The following PDE1A variants were observed in gnomAD, a reference collection of about 807,000 sequenced individuals.
PDE1A encodes the protein dual specificity calcium/calmodulin-dependent 3',5'-cyclic nucleotide phosphodiesterase 1A.
PDE1A carries 35 observed loss-of-function variants against 61.7 expected under a neutral mutation model. The ratio of observed to expected loss-of-function variants is 0.57; its 90% CI spans 0.43 to 0.75. PDE1A has a LOEUF of 0.75. Among genes scored for constraint, PDE1A ranks in the 30% least tolerant of loss-of-function variants. The pLI, the probability that PDE1A is intolerant of heterozygous loss-of-function variation, is 0.00. For missense variants in PDE1A, 597 were observed against 630.6 expected (o/e 0.95, Z 0.57); for synonymous variants, 232 against 213.2 (o/e 1.09, Z -0.77).
intron 1 of PDE1A, among the ~76,000 whole-genome samples, chr2:182,412,961 T>C (rs1172173095): frequency 6.6e-6 from 1 of 152,130 alleles, no homozygotes; most frequent in Non-Finnish European, 1.5e-5. Context: ...GAGCCCTTCA[T>C]AAAGACAGTG....
intron 1 of PDE1A, among the ~76,000 whole-genome samples, chr2:182,376,526 T>C: frequency 6.6e-6 from 1 of 152,200 alleles, no homozygotes; most frequent in East Asian, 1.9e-4. Context: ...AGCATTTTGG[T>C]TAAAGCCATT....
At chr2:182,386,337 G>A (rs1026651343) in intron 1 of PDE1A, among the ~76,000 whole-genome samples, 2 of 150,510 alleles carry the variant, frequency 1.3e-5, no homozygotes, top group Admixed American at 1.3e-4. Context: ...CCCTCTGCCC[G>A]GCTGCCCAGT....
At chr2:182,425,898 A>G (rs1345599462) in intron 1 of PDE1A, among the ~76,000 whole-genome samples, 1 of 152,230 alleles carries the variant, frequency 6.6e-6, no homozygotes, top group Non-Finnish European at 1.5e-5. Context: ...TTTAAATTCT[A>G]AAGTACATAA....
At chr2:182,208,514 T>C (rs147172236) in intron 7 of PDE1A, among the ~76,000 whole-genome samples, 9 of 152,236 alleles carry the variant, frequency 5.9e-5, no homozygotes, top group African/African-American at 2.2e-4. Flanking sequence ...TGAGATGAGA[T>C]TTGGTGGGGA....
the PDE1A span, among the ~76,000 whole-genome samples, chr2:182,588,110 C>T: frequency 3.9e-5 from 6 of 152,110 alleles, no homozygotes; most frequent in African/African-American, 1.4e-4. Flanking sequence ...AATTAAGTAA[C>T]CTTACTCAAA....
At chr2:182,467,566 TATCCTGATTCCA>T (rs929926960) in intron 2 of PDE1A, among the ~76,000 whole-genome samples, 4 of 151,934 alleles carry the variant, frequency 2.6e-5, no homozygotes, top group South Asian at 2.1e-4. Context: ...AAGCCAGAAT[TATCCTGATTCCA>T]AATCCAAACA....
In PDE1A at chr2:182,358,030, C is replaced by T. The variant is rs1418455059; in HGVS notation, c.53+68548G>A. Among the ~76,000 whole-genome samples, 3 of 152,164 alleles carry T rather than the reference C, an allele frequency of 2.0e-5. No homozygotes were observed. In the South Asian group the frequency reaches 6.2e-4, roughly 31 times the overall value. On this transcript the variant is annotated intron_variant, in intron 1 of 13. Transcript: ENST00000351439. The stretch of plus-strand genomic sequence containing the variant: ...GCAGTTCTTGCCTCTAAGTGGATGA[C>T]TATCTCTTGGTTGGCTCTCAACCAT...
At chr2:182,276,466 A>T (rs1446853786) in intron 1 of PDE1A, among the ~76,000 whole-genome samples, 5 of 152,106 alleles carry the variant, frequency 3.3e-5, no homozygotes, top group Non-Finnish European at 5.9e-5. Flanking sequence ...CAGTTCCCAA[A>T]TAATACTCAT....
At chr2:182,444,944 G>T (rs1263435715) in intron 2 of PDE1A, among the ~76,000 whole-genome samples, 1 of 152,052 alleles carries the variant, frequency 6.6e-6, no homozygotes, top group African/African-American at 2.4e-5. Flanking sequence ...ACAGTCCTGA[G>T]ATACACAAGT....
intron 6 of PDE1A, among the ~76,000 whole-genome samples, chr2:182,227,043 A>C (rs1403783687): frequency 6.6e-6 from 1 of 152,024 alleles, no homozygotes; most frequent in Non-Finnish European, 1.5e-5. Flanking sequence ...ATGGATCAAC[A>C]TGTCAAAGGT....
rs147160912 is a variant in PDE1A at position 182,258,886 on chromosome 2, T to C, written c.167+5415A>G. ...ACTGTTGCTTGGGTCTCTCTCTAAA[T>C]CTCTCTGTTTCTTGTTTGAGCATTT... On this transcript the variant is annotated intron_variant, in intron 2 of 13. Transcript: ENST00000351439. 4.3e-4 allele frequency among the ~76,000 whole-genome samples: 66 copies of C among 152,292 alleles called. No individual in the cohort carries two copies. The East Asian group carries it at 7.0e-3, about 16-fold the overall frequency.
chr2:182,448,641 G>A (rs1685298045), intron 2 of PDE1A, among the ~76,000 whole-genome samples: 1 of 152,056 alleles, frequency 6.6e-6, no homozygotes, highest in East Asian at 1.9e-4. Context: ...CACTGCTAAT[G>A]ACTGTGCATG....
Position 182,426,705 on chromosome 2 carries a change from G to C in PDE1A, c.-75C>G, listed in dbSNP as rs1703644761. The C allele has an allele frequency of 6.2e-7, 1 of 1,607,956 alleles. No homozygotes were observed. The highest frequency in any genetic ancestry group is 8.5e-7 in the Non-Finnish European group (1 of 1,177,818). On this transcript the variant is annotated 5_prime_UTR_variant, in exon 1 of 14. In the 5' UTR this introduces an upstream ATG that the reference lacks. Coordinates refer to ENST00000351439, the Ensembl canonical transcript of PDE1A. ...GAGAGGAAATGTGGAAGCTTATCCT[G>C]ATCTATTGTGCTGCAAGGAGCCCAG...
intron 1 of PDE1A, among the ~76,000 whole-genome samples, chr2:182,367,618 C>T (rs1699909659): frequency 6.6e-6 from 1 of 151,910 alleles, no homozygotes; most frequent in Admixed American, 6.6e-5. Context: ...GGCAATGTAG[C>T]AAAGCCAATT....
intron 2 of PDE1A, among the ~76,000 whole-genome samples, chr2:182,255,338 C>A (rs1871805): frequency 7.9e-5 from 12 of 152,160 alleles, no homozygotes; most frequent in Admixed American, 3.9e-4. Context: ...ATCTATTTCT[C>A]TTTTTCCTCT....
At chr2:182,417,524 C>A (rs1353556534) in intron 1 of PDE1A, among the ~76,000 whole-genome samples, 1 of 152,142 alleles carries the variant, frequency 6.6e-6, no homozygotes, top group Non-Finnish European at 1.5e-5. Context: ...GGTAGTTTGT[C>A]TCTGTTCTAT....
intron 1 of PDE1A, 82 bp from the exon 2 acceptor site, chr2:182,264,496 C>A: frequency 1.1e-6 from 1 of 911,248 alleles, no homozygotes. Flanking sequence ...ATTAAATACA[C>A]TCAGTTAAGA....
chr2:182,651,022 T>G, the PDE1A span, among the ~76,000 whole-genome samples: 1 of 152,210 alleles, frequency 6.6e-6, no homozygotes, highest in South Asian at 2.1e-4. Flanking sequence ...TTTGTTTTTT[T>G]CCAGATGGAG....
At chr2:182,315,124 T>G (rs1696252254) in intron 1 of PDE1A, among the ~76,000 whole-genome samples, 1 of 152,148 alleles carries the variant, frequency 6.6e-6, no homozygotes. Context: ...ATTCTTAAAT[T>G]TTACCTTTTA....
Sources: allele counts gnomAD v4.1 joint callset (sites outside exome capture counted in the v4.1 genomes callset), GRCh38; gene constraint gnomAD v4.1.1; transcripts MANE v1.5; gene names NCBI Gene and HGNC (gene_info 2026-07-23, HGNC 2026-07-21).